Variants in ROR1 observed in about 807,000 individuals in gnomAD.
ROR1 encodes inactive tyrosine-protein kinase transmembrane receptor ROR1.
A neutral mutation model predicts 78.8 loss-of-function variants in ROR1; 19 were observed. That is an observed-to-expected ratio of 0.24 (90% CI 0.17 to 0.35). The LOEUF (loss-of-function observed/expected upper bound fraction) is 0.35, where lower values mean the gene tolerates loss of function less well. Ranked by LOEUF, ROR1 falls within the 10% of genes least tolerant of loss-of-function variation. The pLI is 1.00. For missense variants in ROR1, 917 were observed against 1,177.8 expected (o/e 0.78, Z 3.24); for synonymous variants, 386 against 433.6 (o/e 0.89, Z 1.36).
intron 1 of ROR1, among the ~76,000 whole-genome samples, chr1:63,913,078 G>A (rs1265499648): frequency 6.6e-6 from 1 of 151,938 alleles, no homozygotes; most frequent in African/African-American, 2.4e-5. Context: ...CAGGAATGCA[G>A]TGTGGTTTTA....
At chr1:63,842,371 C>T (rs1186020187) in intron 1 of ROR1, among the ~76,000 whole-genome samples, 1 of 152,160 alleles carries the variant, frequency 6.6e-6, no homozygotes, top group African/African-American at 2.4e-5. Context: ...ACTGTTTCTC[C>T]AAGACCCAAC....
intron 1 of ROR1, among the ~76,000 whole-genome samples, chr1:63,883,838 C>A (rs1427292257): frequency 6.6e-6 from 1 of 152,190 alleles, no homozygotes; most frequent in Non-Finnish European, 1.5e-5. Context: ...TAGGAGAAAT[C>A]TTCCTCCAGA....
intron 1 of ROR1, among the ~76,000 whole-genome samples, chr1:63,818,980 A>G (rs1384837182): frequency 1.3e-5 from 2 of 152,058 alleles, no homozygotes; most frequent in African/African-American, 4.8e-5. Context: ...AGGCCCTAGA[A>G]GGTTACTACT....
intron 4 of ROR1, among the ~76,000 whole-genome samples, chr1:64,087,437 G>T (rs922753121): frequency 6.6e-6 from 1 of 152,182 alleles, no homozygotes; most frequent in Non-Finnish European, 1.5e-5. Flanking sequence ...GCAGACCAAG[G>T]CCAGAGCATG....
chr1:63,916,184 T>TTTTGTAAG, intron 1 of ROR1, among the ~76,000 whole-genome samples: 1 of 152,238 alleles, frequency 6.6e-6, no homozygotes, highest in Non-Finnish European at 1.5e-5. Flanking sequence ...CCTTGCAGAT[T>TTTTGTAAG]TTTGTAAGTT....
At chr1:64,112,471 T>C (rs1164019683) in intron 4 of ROR1, among the ~76,000 whole-genome samples, 2 of 152,150 alleles carry the variant, frequency 1.3e-5, no homozygotes, top group Non-Finnish European at 2.9e-5. Context: ...AATCAGATGA[T>C]TGTAGTAACT....
chr1:63,941,329 TACAC>T (rs957254089), intron 1 of ROR1, among the ~76,000 whole-genome samples: 4 of 152,152 alleles, frequency 2.6e-5, no homozygotes, highest in African/African-American at 4.8e-5. Flanking sequence ...AAAAAATAAA[TACAC>T]ACACAGAATG....
intron 1 of ROR1, among the ~76,000 whole-genome samples, chr1:63,856,100 T>C (rs1645146879): frequency 6.6e-6 from 1 of 151,696 alleles, no homozygotes; most frequent in Admixed American, 6.6e-5. Context: ...TTCCTCCTCA[T>C]CAGGGGTTAT....
chr1:64,019,560 A>G (rs1646547702), intron 2 of ROR1, among the ~76,000 whole-genome samples: 1 of 152,238 alleles, frequency 6.6e-6, no homozygotes, highest in South Asian at 2.1e-4. Context: ...GTGTTGGCAT[A>G]ACTCCATCAC....
chr1:63,942,175 C>G (rs1253492549), intron 1 of ROR1, among the ~76,000 whole-genome samples: 1 of 152,084 alleles, frequency 6.6e-6, no homozygotes, highest in African/African-American at 2.4e-5. Context: ...TGTAAGGGCT[C>G]TGCAACTAAA....
intron 1 of ROR1, among the ~76,000 whole-genome samples, chr1:63,994,717 C>T (rs989553597): frequency 6.6e-6 from 1 of 152,178 alleles, no homozygotes; most frequent in Admixed American, 6.5e-5. Flanking sequence ...ACAGCAAATT[C>T]CCCCAAATAC....
At chr1:64,064,223 G>C (rs1328444669) in intron 4 of ROR1, among the ~76,000 whole-genome samples, 1 of 152,222 alleles carries the variant, frequency 6.6e-6, no homozygotes, top group Non-Finnish European at 1.5e-5. Flanking sequence ...GGGAAAAATA[G>C]AAGGGGTAAT....
intron 7 of ROR1, among the ~76,000 whole-genome samples, chr1:64,148,341 G>T (rs1393428682): frequency 6.6e-6 from 1 of 152,136 alleles, no homozygotes; most frequent in Admixed American, 6.5e-5. Flanking sequence ...ATGTGTTTTT[G>T]TGTGTGTAAA....
intron 4 of ROR1, among the ~76,000 whole-genome samples, chr1:64,137,162 G>A (rs1330182173): frequency 6.6e-6 from 1 of 152,190 alleles, no homozygotes; most frequent in Non-Finnish European, 1.5e-5. Context: ...GCTTCAGGAT[G>A]ACTTTCTGGG....
rs1232569595 is a variant in ROR1 at position 64,179,107 on chromosome 1, ATTGGAACATGTGG to A, written c.*255_*267del. 1.1e-5 allele frequency: 4 copies of A among 380,694 alleles called. No individual in the cohort carries two copies. Among genetic ancestry groups the A allele is most frequent in the Non-Finnish European group, 1.9e-5 (4 of 213,544 alleles). 23.6% of individuals were successfully genotyped at this position (380,694 alleles called of 1,614,324 possible). On this transcript the variant is annotated 3_prime_UTR_variant, in exon 9 of 9. Transcript: ENST00000371079. ...TTGGAGTGCATGACATGGCATTGGG[ATTGGAACATGTGG>A]TTTCGAGCACTGAAAGCTGCAAACC...
At chr1:64,143,618 A>G (rs1026265267) in intron 7 of ROR1, among the ~76,000 whole-genome samples, 11 of 152,208 alleles carry the variant, frequency 7.2e-5, no homozygotes, top group Admixed American at 2.0e-4. Context: ...TATTCAAGCC[A>G]TTCATTCAGA....
intron 1 of ROR1, among the ~76,000 whole-genome samples, chr1:64,005,492 G>A (rs1298482935): frequency 6.6e-6 from 1 of 152,178 alleles, no homozygotes; most frequent in Non-Finnish European, 1.5e-5. Context: ...GAGGCTGCCA[G>A]GCTGGTGGTA....
At chr1:63,844,608 C>T (rs1458540979) in intron 1 of ROR1, among the ~76,000 whole-genome samples, 1 of 152,148 alleles carries the variant, frequency 6.6e-6, no homozygotes, top group Admixed American at 6.6e-5. Flanking sequence ...GGGTGGAAGG[C>T]AGCTAAGTAG....
In ROR1 at chr1:63,802,562, A is replaced by G. The variant is rs112582458; in HGVS notation, c.91+28054A>G. Among the ~76,000 whole-genome samples, 577 of 152,332 alleles carry G rather than the reference A, an allele frequency of 3.8e-3. 1 individual carries two copies. Among genetic ancestry groups the G allele is most frequent in the Non-Finnish European group, 6.5e-3 (441 of 68,032 alleles). On this transcript the variant is annotated intron_variant, in intron 1 of 8. Transcript: ENST00000371079. Reference sequence around the variant, plus strand: ...GACTATGAATAAGTAATTTCCTTGAAGGTGCGTTGGAAGCAGAGTTCAGAT... The same window carrying G: ...GACTATGAATAAGTAATTTCCTTGAGGGTGCGTTGGAAGCAGAGTTCAGAT...
Sources: allele counts gnomAD v4.1 joint callset (sites outside exome capture counted in the v4.1 genomes callset), GRCh38; gene constraint gnomAD v4.1.1; transcripts MANE v1.5; gene names NCBI Gene and HGNC (gene_info 2026-07-23, HGNC 2026-07-21).